The following FNDC3B variants were observed in gnomAD, a reference collection of about 807,000 sequenced individuals.
The protein encoded by FNDC3B is fibronectin type III domain-containing protein 3B.
Under a neutral mutation model 151.5 loss-of-function variants are expected in FNDC3B, and 12 were observed. The observed-to-expected ratio is 0.08, with a 90% CI of 0.05 to 0.13. The LOEUF (loss-of-function observed/expected upper bound fraction) is 0.13, where lower values mean the gene tolerates loss of function less well. Among genes scored for constraint, FNDC3B ranks in the 10% least tolerant of loss-of-function variants. The pLI is 1.00. For missense variants in FNDC3B, 1,214 were observed against 1,505.3 expected (o/e 0.81, Z 3.20); for synonymous variants, 528 against 549.0 (o/e 0.96, Z 0.54).
At chr3:172,084,964 G>T (rs1464000458) in intron 1 of FNDC3B, among the ~76,000 whole-genome samples, 1 of 152,164 alleles carries the variant, frequency 6.6e-6, no homozygotes, top group African/African-American at 2.4e-5. Context: ...CACTGGTGAA[G>T]TTTCAATTTC....
chr3:172,086,098 C>T (rs1718533935), intron 1 of FNDC3B, among the ~76,000 whole-genome samples: 1 of 152,188 alleles, frequency 6.6e-6, no homozygotes, highest in Admixed American at 6.5e-5. Flanking sequence ...TGGTGGTTCA[C>T]ACCTGTATTC....
intron 21 of FNDC3B, among the ~76,000 whole-genome samples, chr3:172,351,512 T>C (rs1045367812): frequency 6.6e-6 from 1 of 152,242 alleles, no homozygotes; most frequent in Non-Finnish European, 1.5e-5. Flanking sequence ...CTGTAGGGTT[T>C]TGTAAGAACT....
chr3:172,298,905 C>A, intron 9 of FNDC3B, 118 bp downstream of exon 9: 1 of 643,186 alleles, frequency 1.6e-6, no homozygotes, highest in Non-Finnish European at 2.6e-6. Flanking sequence ...GTTGTAGAAC[C>A]ATGGCTTATG....
chr3:172,116,237 C>T (rs548576745), intron 2 of FNDC3B, among the ~76,000 whole-genome samples: 10 of 152,190 alleles, frequency 6.6e-5, no homozygotes, highest in Non-Finnish European at 1.2e-4. Context: ...AAGCAGCTTA[C>T]ACAGTTTTCC....
chr3:172,321,203 T>A (rs1435476636), intron 11 of FNDC3B, among the ~76,000 whole-genome samples: 3 of 152,238 alleles, frequency 2.0e-5, no homozygotes, highest in African/African-American at 4.8e-5. Context: ...TTAGGCTATG[T>A]CATACCTAAA....
chr3:172,335,279 A>G (rs1732905119), intron 15 of FNDC3B, 197 bp downstream of exon 15: 2 of 459,456 alleles, frequency 4.4e-6, no homozygotes, highest in Middle Eastern at 5.9e-4. Context: ...TTAAAATGTA[A>G]TCGTAATGGA....
At chr3:172,396,732 T>C (rs1422496245) in intron 25 of FNDC3B, among the ~76,000 whole-genome samples, 1 of 152,224 alleles carries the variant, frequency 6.6e-6, no homozygotes, top group Non-Finnish European at 1.5e-5. Context: ...GCACTCCTCA[T>C]GCGGATCTAA....
intron 22 of FNDC3B, among the ~76,000 whole-genome samples, chr3:172,358,555 A>G (rs1197206802): frequency 2.0e-5 from 3 of 152,190 alleles, no homozygotes; most frequent in Non-Finnish European, 4.4e-5. Flanking sequence ...CAAGTTACTC[A>G]TGTTGTAAAG....
rs1036557157 is a variant in FNDC3B, at chr3:172,398,470, A to G, written c.*995A>G. On this transcript the variant is annotated 3_prime_UTR_variant, in exon 26 of 26. Transcript: ENST00000415807. ...CTTTAGGCTGTTCTTTGAGGTATCA[A>G]TGAAGTGATTGAATTTCAATACCTT... The G allele has an allele frequency of 7.2e-5, 11 of 152,384 alleles. No individual in the cohort carries two copies. The highest frequency in any genetic ancestry group is 1.0e-4 in the Non-Finnish European group (7 of 68,042). The allele number at this position is 152,384 out of a possible 1,614,324, so 9.4% of individuals were successfully genotyped here. A position where few individuals can be genotyped will look rare whatever the true frequency, so the allele number is the denominator to read the frequency against.
intron 3 of FNDC3B, among the ~76,000 whole-genome samples, chr3:172,214,785 G>A (rs1253794948): frequency 1.3e-5 from 2 of 152,170 alleles, no homozygotes; most frequent in Non-Finnish European, 2.9e-5. Context: ...AGTAAACCAC[G>A]TTAGGATGTT....
At chr3:172,378,466 T>C in intron 24 of FNDC3B, 30 bp downstream of exon 24, 1 of 1,552,162 alleles carries the variant, frequency 6.4e-7, no homozygotes, top group Non-Finnish European at 8.7e-7. Flanking sequence ...TTTCTCGCTC[T>C]CTTGTGAGAG....
In FNDC3B at chr3:172,308,810, A is replaced by C. The variant is rs1165147961; in HGVS notation, c.1200+1309A>C. 3.9e-5 allele frequency among the ~76,000 whole-genome samples: 6 copies of C among 152,346 alleles called. No homozygotes were observed. The East Asian group carries it at 7.7e-4, about 20-fold the overall frequency. On this transcript the variant is annotated intron_variant, in intron 10 of 25. Transcript: ENST00000415807. ...CTGGCATCATTGTTTAATTCCTTAG[A>C]GTATACACATCCATTTAAAAAATGT... is the stretch of plus-strand genomic sequence containing the variant.
chr3:172,259,750 T>C (rs1013410272), intron 6 of FNDC3B, among the ~76,000 whole-genome samples: 5 of 152,236 alleles, frequency 3.3e-5, no homozygotes, highest in Non-Finnish European at 7.3e-5. Flanking sequence ...TCCTATCTTT[T>C]GCCTTTTGCC....
chr3:172,152,578 C>CTT (rs10662326), intron 3 of FNDC3B, among the ~76,000 whole-genome samples: 49 of 125,806 alleles, frequency 3.9e-4, no homozygotes, highest in African/African-American at 8.9e-4. Context: ...ATGGGAAGGG[C>CTT]TTTTTTTTTT....
intron 2 of FNDC3B, among the ~76,000 whole-genome samples, chr3:172,131,195 G>C (rs986807382): frequency 1.3e-5 from 2 of 152,178 alleles, no homozygotes; most frequent in Non-Finnish European, 1.5e-5. Context: ...TCAGGAGTTC[G>C]AGACCAGCTT....
intron 6 of FNDC3B, among the ~76,000 whole-genome samples, chr3:172,283,171 A>G (rs1729827651): frequency 6.6e-6 from 1 of 152,212 alleles, no homozygotes; most frequent in Admixed American, 6.5e-5. Context: ...TTTTTATCTC[A>G]GGAGGACCTT....
chr3:172,288,787 G>A (rs961920203), intron 7 of FNDC3B, among the ~76,000 whole-genome samples: 1 of 152,170 alleles, frequency 6.6e-6, no homozygotes, highest in African/African-American at 2.4e-5. Flanking sequence ...ATAGGAAGTG[G>A]GCGTCTCTGG....
At chr3:172,144,836 G>A (rs1236975548) in intron 3 of FNDC3B, among the ~76,000 whole-genome samples, 2 of 152,014 alleles carry the variant, frequency 1.3e-5, no homozygotes, top group Non-Finnish European at 2.9e-5. Flanking sequence ...TGAGTTAATG[G>A]GGAATATGCT....
intron 3 of FNDC3B, among the ~76,000 whole-genome samples, chr3:172,183,670 C>T (rs987014599): frequency 6.6e-6 from 1 of 152,154 alleles, no homozygotes; most frequent in African/African-American, 2.4e-5. Flanking sequence ...CTTGTCTATT[C>T]TTCTTAACTA....
Sources: allele counts gnomAD v4.1 joint callset (sites outside exome capture counted in the v4.1 genomes callset), GRCh38; gene constraint gnomAD v4.1.1; transcripts MANE v1.5; gene names NCBI Gene and HGNC (gene_info 2026-07-23, HGNC 2026-07-21).